Variants in SDK1 observed in about 807,000 individuals in gnomAD.
SDK1 encodes protein sidekick-1.
In SDK1, 157 loss-of-function variants were observed where a neutral mutation model predicts 245.5. That is an observed-to-expected ratio of 0.64 (90% CI 0.56 to 0.73). The LOEUF is 0.73. SDK1 is among the 30% of genes least tolerant of loss of function. SDK1 has a pLI of 0.00. For missense variants in SDK1, 3,583 were observed against 3,002.3 expected, an observed-to-expected ratio of 1.19 and a Z score of -4.52; for synonymous variants, 1,647 against 1,278.5, an observed-to-expected ratio of 1.29 and a Z score of -6.15.
rs181270008 is a variant in SDK1, at chr7:3,759,154, T to C, written c.714-62296T>C. Among the ~76,000 whole-genome samples, 1,046 of 152,334 alleles carry C rather than the reference T, an allele frequency of 6.9e-3. 8 individuals carry two copies. The highest frequency in any genetic ancestry group is 0.011 in the Non-Finnish European group (781 of 68,028). On this transcript the variant is annotated intron_variant, in intron 4 of 44. Coordinates refer to ENST00000404826, the MANE Select transcript of SDK1 (RefSeq NM_152744.4). ...GGCTTTACCTATGGCTCATTTTTCC[T>C]TTATCCTGCAATAATCAGTCAAATC...
chr7:3,853,642 A>C lies in SDK1; in HGVS notation c.847+32059A>C, dbSNP rs557820369. 8.9e-4 allele frequency among the ~76,000 whole-genome samples: 136 copies of C among 152,250 alleles called. 1 individual carries two copies. The highest frequency in any genetic ancestry group is 3.3e-3 in the African/African-American group (136 of 41,532). On this transcript the variant is annotated intron_variant, in intron 5 of 44. Transcript: ENST00000404826. Reference sequence around the variant, plus strand: ...CCCTAATCTGGAAATCCAAAATCCCAAATCTGAGATGCCCCAGTGAGCTTT... The same window carrying C: ...CCCTAATCTGGAAATCCAAAATCCCCAATCTGAGATGCCCCAGTGAGCTTT...
intron 1 of SDK1, among the ~76,000 whole-genome samples, chr7:3,611,124 G>T (rs1390362168): frequency 1.3e-5 from 2 of 152,188 alleles, no homozygotes; most frequent in Non-Finnish European, 2.9e-5. Context: ...AAAATACAGA[G>T]AAGTTGGGTG....
At chr7:3,727,209 G>T (rs1779037514) in intron 4 of SDK1, among the ~76,000 whole-genome samples, 1 of 152,198 alleles carries the variant, frequency 6.6e-6, no homozygotes, top group Non-Finnish European at 1.5e-5. Context: ...TTATGTACAT[G>T]GCAGATAGAG....
intron 17 of SDK1, among the ~76,000 whole-genome samples, chr7:4,018,238 C>A (rs1360842611): frequency 1.3e-5 from 2 of 152,224 alleles, no homozygotes; most frequent in Non-Finnish European, 2.9e-5. Flanking sequence ...ATTTTTATTG[C>A]TACCAGACCT....
chr7:4,087,397 T>C (rs1478367536), intron 22 of SDK1, among the ~76,000 whole-genome samples: 1 of 152,156 alleles, frequency 6.6e-6, no homozygotes, highest in Non-Finnish European at 1.5e-5. Flanking sequence ...ATTGTTTACT[T>C]AGAGAGGCTT....
intron 1 of SDK1, among the ~76,000 whole-genome samples, chr7:3,463,652 T>C (rs1299369420): frequency 6.6e-6 from 1 of 152,240 alleles, no homozygotes; most frequent in Non-Finnish European, 1.5e-5. Flanking sequence ...CTATTTAAAC[T>C]ACTTTATATC....
At chr7:4,086,201 C>G (rs929729039) in intron 22 of SDK1, among the ~76,000 whole-genome samples, 1 of 152,162 alleles carries the variant, frequency 6.6e-6, no homozygotes, top group Non-Finnish European at 1.5e-5. Context: ...TCTTCTCACA[C>G]CTGCACAGGT....
chr7:3,756,960 A>G (rs1276685294), intron 4 of SDK1, among the ~76,000 whole-genome samples: 1 of 152,116 alleles, frequency 6.6e-6, no homozygotes, highest in African/African-American at 2.4e-5. Flanking sequence ...GTTTTCCACT[A>G]TAAAGTTACC....
At chr7:3,804,902 T>C (rs1440541186) in intron 4 of SDK1, among the ~76,000 whole-genome samples, 1 of 152,244 alleles carries the variant, frequency 6.6e-6, no homozygotes, top group Non-Finnish European at 1.5e-5. Flanking sequence ...GGTGAGATAT[T>C]GGTCGAAGGA....
At chr7:3,893,152 T>C (rs1010605525) in intron 5 of SDK1, among the ~76,000 whole-genome samples, 6 of 152,130 alleles carry the variant, frequency 3.9e-5, no homozygotes, top group African/African-American at 1.4e-4. Flanking sequence ...GGATAATTAT[T>C]TTATACAGTG....
intron 5 of SDK1, among the ~76,000 whole-genome samples, chr7:3,912,217 C>T (rs1583552596): frequency 1.3e-5 from 2 of 152,264 alleles, no homozygotes; most frequent in East Asian, 3.9e-4. Context: ...GAGGATGAGC[C>T]AGTGGATCCA....
intron 13 of SDK1, among the ~76,000 whole-genome samples, 155 bp from the exon 14 acceptor site, chr7:3,987,031 G>C (rs368952914): frequency 1.3e-5 from 2 of 152,114 alleles, no homozygotes; most frequent in East Asian, 1.9e-4. Context: ...GTCCTTTTCT[G>C]GGGGGAAGAG....
At chr7:3,897,169 G>T (rs1583527265) in intron 5 of SDK1, among the ~76,000 whole-genome samples, 1 of 152,188 alleles carries the variant, frequency 6.6e-6, no homozygotes, top group Admixed American at 6.5e-5. Flanking sequence ...GATGACATTT[G>T]GGAGGGGACC....
intron 25 of SDK1, among the ~76,000 whole-genome samples, chr7:4,122,894 C>T (rs775290414): frequency 1.5e-4 from 23 of 152,304 alleles, no homozygotes; most frequent in Non-Finnish European, 2.1e-4. Flanking sequence ...ATCTTGTCCT[C>T]GTAGGATTTA....
chr7:3,806,888 G>C (rs1408933736), intron 4 of SDK1, among the ~76,000 whole-genome samples: 1 of 152,082 alleles, frequency 6.6e-6, no homozygotes, highest in Non-Finnish European at 1.5e-5. Flanking sequence ...GGAACTAAGA[G>C]TGATATTACC....
chr7:3,736,761 C>T (rs1779328655), intron 4 of SDK1, among the ~76,000 whole-genome samples: 1 of 152,190 alleles, frequency 6.6e-6, no homozygotes, highest in South Asian at 2.1e-4. Context: ...ACATTCATCA[C>T]CTCACATAGT....
chr7:3,787,654 G>GC (rs1385489089), intron 4 of SDK1, among the ~76,000 whole-genome samples: 1 of 151,878 alleles, frequency 6.6e-6, no homozygotes, highest in African/African-American at 2.4e-5. Context: ...TTTTCAGCTG[G>GC]CCCGAGCCCT....
At chr7:3,631,768 C>A (rs988843249) in intron 2 of SDK1, among the ~76,000 whole-genome samples, 2 of 152,132 alleles carry the variant, frequency 1.3e-5, no homozygotes, top group African/African-American at 4.8e-5. Flanking sequence ...ATTATTGGTT[C>A]TTTGTTTAGG....
chr7:4,172,480 G>A (rs1781908544), intron 32 of SDK1, among the ~76,000 whole-genome samples: 1 of 152,214 alleles, frequency 6.6e-6, no homozygotes, highest in Non-Finnish European at 1.5e-5. Flanking sequence ...TGCCTCGTGA[G>A]TAGCAAGAGT....
Sources: gnomAD v4.1 joint callset for allele counts (sites outside exome capture counted in the v4.1 genomes callset) on GRCh38, gnomAD v4.1.1 for gene constraint, MANE v1.5 for transcripts, NCBI Gene and HGNC (gene_info 2026-07-23, HGNC 2026-07-21) for gene names.